Variants in TMC1 observed in about 807,000 individuals in gnomAD.
The protein encoded by TMC1 is transmembrane channel like 1.
Under a neutral mutation model 105.8 loss-of-function variants are expected in TMC1, and 84 were observed. The observed-to-expected ratio is 0.79, with a 90% CI of 0.67 to 0.95. The LOEUF is 0.95. Among genes scored for constraint, TMC1 ranks in the 40% least tolerant of loss-of-function variants. The pLI, the probability that TMC1 is intolerant of heterozygous loss-of-function variation, is 0.00. For synonymous variants in TMC1, 315 were observed against 311.5 expected, an observed-to-expected ratio of 1.01 and a Z score of -0.12; for missense variants, 817 against 914.1, an observed-to-expected ratio of 0.89 and a Z score of 1.37.
At chr9:72,563,667 G>A (rs555035524) in intron 1 of TMC1, among the ~76,000 whole-genome samples, 1 of 152,190 alleles carries the variant, frequency 6.6e-6, no homozygotes, top group Admixed American at 6.5e-5. Context: ...GGGAGGCTGA[G>A]ATGGGTGGAT....
At chr9:72,720,280 C>T (rs1322368318) in intron 8 of TMC1, among the ~76,000 whole-genome samples, 2 of 152,170 alleles carry the variant, frequency 1.3e-5, no homozygotes, top group African/African-American at 4.8e-5. Context: ...AGCAAGCTCT[C>T]CCAGAAGTCA....
At chr9:72,819,168 G>C (rs920148401) in intron 19 of TMC1, among the ~76,000 whole-genome samples, 3 of 152,144 alleles carry the variant, frequency 2.0e-5, no homozygotes, top group Admixed American at 1.3e-4. Context: ...CAGACTGATG[G>C]AATAGGATCC....
intron 23 of TMC1, among the ~76,000 whole-genome samples, chr9:72,834,524 C>G (rs948021438): frequency 6.6e-6 from 1 of 152,246 alleles, no homozygotes; most frequent in South Asian, 2.1e-4. Context: ...TTAAGCTGAT[C>G]AGATTCCTCA....
intron 3 of TMC1, among the ~76,000 whole-genome samples, chr9:72,619,274 A>T (rs1825198936): frequency 6.6e-6 from 1 of 152,250 alleles, no homozygotes; most frequent in Admixed American, 6.5e-5. Context: ...TCATAGCAGC[A>T]TTATTTAAAA....
chr9:72,539,073 CTG>C (rs1823633085), intron 1 of TMC1, among the ~76,000 whole-genome samples: 1 of 138,238 alleles, frequency 7.2e-6, no homozygotes, highest in South Asian at 2.3e-4. Context: ...TTCTTGAATG[CTG>C]TGTTGCTTAG....
intron 4 of TMC1, among the ~76,000 whole-genome samples, chr9:72,645,214 G>C (rs999889556): frequency 3.3e-5 from 5 of 152,070 alleles, no homozygotes; most frequent in Non-Finnish European, 5.9e-5. Flanking sequence ...ACCTCAACTG[G>C]CTCAGCTTAC....
chr9:72,651,042 G>A (rs547768501), intron 5 of TMC1: 1 of 145,618 alleles, frequency 6.9e-6, no homozygotes, highest in South Asian at 2.1e-4. Flanking sequence ...TGGCTGCGTG[G>A]TATTTCATGG....
chr9:72,576,628 T>C lies in TMC1; in HGVS notation c.-427-1274T>C, dbSNP rs1016842085. Among the ~76,000 whole-genome samples, 5 of 129,886 alleles carry C rather than the reference T, an allele frequency of 3.8e-5. No individual in the cohort carries two copies. The South Asian group carries it at 1.2e-3, about 32-fold the overall frequency. 85.2% of individuals were successfully genotyped at this position (129,886 alleles called of 152,430 possible). On this transcript the variant is annotated intron_variant, in intron 1 of 23. Coordinates refer to ENST00000297784, the MANE Select transcript of TMC1 (RefSeq NM_138691.3). ...CTGGACTCCCAATTTCTTTTTTTTT[T>C]TTTTCTTTTTTTTTTTTAGACGGAG...
At position 72,772,398 on chromosome 9, in the gene TMC1, GT is replaced by G. The variant is rs765753583; in HGVS notation, c.742-13del. The stretch of plus-strand genomic sequence containing the variant: ...TTCACGACAACTGCTAAGTGGCTTT[GT>G]TGTTGGATTTCAGGGTTTGGCACAA... On this transcript the variant is annotated splice_polypyrimidine_tract_variant and intron_variant, in intron 12 of 23. Coordinates refer to ENST00000297784, the MANE Select transcript of TMC1 (RefSeq NM_138691.3). The G allele has an allele frequency of 1.2e-6, 2 of 1,613,696 alleles. No individual in the cohort carries two copies. Among genetic ancestry groups the G allele is most frequent in the Non-Finnish European group, 1.7e-6 (2 of 1,179,664 alleles).
At chr9:72,768,908 A>T (rs1827880801) in intron 12 of TMC1, among the ~76,000 whole-genome samples, 1 of 152,310 alleles carries the variant, frequency 6.6e-6, no homozygotes, top group Admixed American at 6.5e-5. Context: ...CTCAAAAGGG[A>T]TGCCTGGGGT....
chr9:72,620,201 G>GA (rs35400310), intron 3 of TMC1, among the ~76,000 whole-genome samples: 35,321 of 151,574 alleles, frequency 0.23, 4,384 homozygotes, highest in East Asian at 0.38. Context: ...GCCAAGCAAA[G>GA]AAAAAAATGT....
In TMC1 at chr9:72,663,979, T is replaced by C. The variant is rs138708294; in HGVS notation, c.16+15315T>C. 2.4e-3 allele frequency among the ~76,000 whole-genome samples: 358 copies of C among 152,262 alleles called. 2 individuals are homozygous for C. Among genetic ancestry groups the C allele is most frequent in the African/African-American group, 7.7e-3 (322 of 41,556 alleles). On this transcript the variant is annotated intron_variant, in intron 5 of 23. Transcript: ENST00000297784. Reference sequence around the variant, plus strand: ...ATCATCAATATCATTATCCACCACCTCCACATCTTGTCCCACTGGAAGATC... The same window carrying C: ...ATCATCAATATCATTATCCACCACCCCCACATCTTGTCCCACTGGAAGATC...
intron 6 of TMC1, among the ~76,000 whole-genome samples, chr9:72,693,620 G>C (rs1792291139): frequency 6.6e-6 from 1 of 152,046 alleles, no homozygotes; most frequent in African/African-American, 2.4e-5. Flanking sequence ...CTCTGGGGTA[G>C]CCTCTATTTA....
chr9:72,754,652 G>A (rs1372825741), intron 11 of TMC1, 134 bp from the exon 12 acceptor site: 1 of 713,952 alleles, frequency 1.4e-6, no homozygotes, highest in Non-Finnish European at 2.5e-6. Context: ...CAGAAAATGG[G>A]ACCCCACATG....
chr9:72,534,041 G>A (rs1043910958), intron 1 of TMC1, among the ~76,000 whole-genome samples: 7 of 152,120 alleles, frequency 4.6e-5, no homozygotes, highest in African/African-American at 1.4e-4. Context: ...GCTGAGGCAG[G>A]AGAATCGCTT....
intron 1 of TMC1, among the ~76,000 whole-genome samples, chr9:72,573,094 T>A (rs1322358117): frequency 6.6e-6 from 1 of 152,196 alleles, no homozygotes; most frequent in Non-Finnish European, 1.5e-5. Flanking sequence ...TGAGGTTGAA[T>A]TTTGTTTTCC....
chr9:72,525,795 C>G (rs1823397576), intron 1 of TMC1, among the ~76,000 whole-genome samples: 1 of 152,232 alleles, frequency 6.6e-6, no homozygotes. Flanking sequence ...CTGGACCAGC[C>G]TGGCCAACAT....
At chr9:72,802,513 G>A (rs781576277) in intron 17 of TMC1, among the ~76,000 whole-genome samples, 5 of 152,068 alleles carry the variant, frequency 3.3e-5, no homozygotes, top group African/African-American at 4.8e-5. Context: ...AATTAGATTA[G>A]AAATCAAAAT....
chr9:72,630,736 C>T (rs1416545092), intron 4 of TMC1, among the ~76,000 whole-genome samples: 2 of 152,050 alleles, frequency 1.3e-5, no homozygotes, highest in Non-Finnish European at 2.9e-5. Context: ...ACATTAAAAA[C>T]TGCAAATTAA....
Sources: allele counts gnomAD v4.1 joint callset (sites outside exome capture counted in the v4.1 genomes callset), GRCh38; gene constraint gnomAD v4.1.1; transcripts MANE v1.5; gene names NCBI Gene and HGNC (gene_info 2026-07-23, HGNC 2026-07-21).